Variants in CRYBG3 observed in about 807,000 individuals in gnomAD.
CRYBG3 encodes the protein crystallin beta-gamma domain containing 3.
Under a neutral mutation model 244.2 loss-of-function variants are expected in CRYBG3, and 127 were observed. The ratio of observed to expected loss-of-function variants is 0.52; its 90% CI spans 0.45 to 0.60. The LOEUF (loss-of-function observed/expected upper bound fraction) is 0.60. Ranked by LOEUF, CRYBG3 falls within the 20% of genes least tolerant of loss-of-function variation. The pLI is 0.00. For synonymous variants in CRYBG3, 1,132 were observed against 1,195.8 expected (o/e 0.95, Z 1.10); for missense variants, 3,325 against 3,442.5 (o/e 0.97, Z 0.85).
intron 1 of CRYBG3, among the ~76,000 whole-genome samples, chr3:97,837,483 T>G (rs887014577): frequency 1.3e-5 from 2 of 152,130 alleles, no homozygotes; most frequent in African/African-American, 4.8e-5. Flanking sequence ...TCAACAGTAT[T>G]GCTGATTCTT....
Position 97,896,013 on chromosome 3 carries a change from A to C in CRYBG3, c.7629A>C (p.Glu2543Asp). ...HFKGQQFLLE[E>D]GDFEDSNACG... Reference sequence around the variant, plus strand: ...AAGGCCAGCAGTTTCTGCTTGAAGAAGGAGACTTTGAAGACAGTAATGCTT... The same window carrying C: ...AAGGCCAGCAGTTTCTGCTTGAAGACGGAGACTTTGAAGACAGTAATGCTT... The change falls in exon 12 of 22, where the codon GAA (glutamate) becomes GAC (aspartate). Residue 2543 changes from glutamate to aspartate, a missense_variant. Physicochemically the swap from Glu to Asp is conservative, Grantham distance 45. Around this residue, in one of 4 missense-constraint regions of CRYBG3, gnomAD observed 714 missense variants for 803.6 expected, o/e 0.89. Coordinates refer to ENST00000389622, the MANE Select transcript of CRYBG3 (RefSeq NM_153605.4). 1 of 1,613,668 alleles carries C rather than the reference A, an allele frequency of 6.2e-7. No individual in the cohort carries two copies. Among genetic ancestry groups the C allele is most frequent in the Non-Finnish European group, 8.5e-7 (1 of 1,179,722 alleles).
At chr3:97,838,630 C>G (rs1385581129) in intron 1 of CRYBG3, among the ~76,000 whole-genome samples, 1 of 152,040 alleles carries the variant, frequency 6.6e-6, no homozygotes, top group Non-Finnish European at 1.5e-5. Context: ...TGTGCAACCC[C>G]CAGCACCAAG....
At chr3:97,840,990 A>G (rs567228728) in intron 1 of CRYBG3, among the ~76,000 whole-genome samples, 2 of 152,216 alleles carry the variant, frequency 1.3e-5, no homozygotes, top group South Asian at 4.1e-4. Flanking sequence ...CTTTTGGCAA[A>G]AGATAAAGAC....
Position 97,874,016 on chromosome 3 carries a change from C to A in CRYBG3, c.2822C>A (p.Ser941Tyr). The change falls in exon 4 of 22, where the codon TCT (serine) becomes TAT (tyrosine). Residue 941 changes from serine to tyrosine, a missense_variant. Coordinates refer to ENST00000389622, the MANE Select transcript of CRYBG3 (RefSeq NM_153605.4). ...CCTGCTCTTCTTAAAAGTAATATAT[C>A]TTGGATTTTACCACCTATTCATGAT... is the stretch of plus-strand genomic sequence containing the variant. Reference protein sequence around the residue: ...SPPALLKSNISWILPPIHDEK... With the variant: ...SPPALLKSNIYWILPPIHDEK... The A allele has an allele frequency of 6.5e-7, 1 of 1,535,550 alleles. No individual in the cohort carries two copies. Among genetic ancestry groups the A allele is most frequent in the Non-Finnish European group, 8.7e-7 (1 of 1,146,736 alleles).
chr3:97,926,275 C>A (rs915631903), intron 17 of CRYBG3, among the ~76,000 whole-genome samples: 1 of 152,042 alleles, frequency 6.6e-6, no homozygotes, highest in Non-Finnish European at 1.5e-5. Flanking sequence ...ATATACAAAT[C>A]AATAAATGTG....
intron 1 of CRYBG3, 108 bp from the exon 2 acceptor site, chr3:97,843,087 T>C (rs1321533597): frequency 1.6e-6 from 1 of 633,352 alleles, no homozygotes; most frequent in Non-Finnish European, 2.7e-6. Flanking sequence ...GTATCAATCT[T>C]TGAGCATTGC....
intron 1 of CRYBG3, among the ~76,000 whole-genome samples, chr3:97,826,743 G>A (rs1178578064): frequency 6.6e-6 from 1 of 152,232 alleles, no homozygotes; most frequent in Non-Finnish European, 1.5e-5. Flanking sequence ...GCAAAGCAAT[G>A]TGGATATAAC....
At chr3:97,894,455 A>G (rs1451945049) in intron 11 of CRYBG3, among the ~76,000 whole-genome samples, 2 of 152,108 alleles carry the variant, frequency 1.3e-5, no homozygotes, top group Non-Finnish European at 2.9e-5. Context: ...TTGTTATTTA[A>G]TTGTATCTGT....
At chr3:97,928,488 G>A (rs2040063715) in intron 17 of CRYBG3, among the ~76,000 whole-genome samples, 1 of 151,736 alleles carries the variant, frequency 6.6e-6, no homozygotes, top group Non-Finnish European at 1.5e-5. Context: ...AATAATCTGT[G>A]CATGAAACCC....
Position 97,942,279 on chromosome 3 carries a change from T to A in CRYBG3, c.8665-5T>A. Reference sequence around the variant, plus strand: ...TGCCAATTAATCATTTCTTAACCCTTTTAGGCCAGTGATACATGTCTTGAT... The same window carrying A: ...TGCCAATTAATCATTTCTTAACCCTATTAGGCCAGTGATACATGTCTTGAT... On this transcript the variant is annotated splice_polypyrimidine_tract_variant and splice_region_variant and intron_variant, in intron 20 of 21. Coordinates refer to ENST00000389622, the MANE Select transcript of CRYBG3 (RefSeq NM_153605.4). 6.2e-7 allele frequency: 1 copy of A among 1,603,002 alleles called. No homozygotes were observed. Among genetic ancestry groups the A allele is most frequent in the Non-Finnish European group, 8.5e-7 (1 of 1,173,472 alleles).
chr3:97,861,991 C>A (rs1366941181), intron 2 of CRYBG3, among the ~76,000 whole-genome samples: 1 of 151,754 alleles, frequency 6.6e-6, no homozygotes, highest in Non-Finnish European at 1.5e-5. Flanking sequence ...AAAAATTAAG[C>A]AACTAAAACA....
chr3:97,933,600 A>C, intron 17 of CRYBG3, 94 bp from the exon 18 acceptor site: 1 of 1,241,438 alleles, frequency 8.1e-7, no homozygotes, highest in East Asian at 2.3e-5. Context: ...CATGCATTTA[A>C]GAATACAATG....
chr3:97,909,493 T>TCATTTCATC (rs1217177891), intron 15 of CRYBG3, among the ~76,000 whole-genome samples: 5 of 151,692 alleles, frequency 3.3e-5, no homozygotes, highest in Admixed American at 1.3e-4. Flanking sequence ...TTCATTTCAT[T>TCATTTCATC]CATTTCATCT....
intron 2 of CRYBG3, among the ~76,000 whole-genome samples, chr3:97,848,784 T>G (rs2038940645): frequency 6.6e-6 from 1 of 152,218 alleles, no homozygotes; most frequent in African/African-American, 2.4e-5. Flanking sequence ...TCATGTCAGT[T>G]TAACGTACAG....
chr3:97,858,079 A>AT (rs908199922), intron 2 of CRYBG3, among the ~76,000 whole-genome samples: 7 of 149,932 alleles, frequency 4.7e-5, no homozygotes, highest in African/African-American at 1.7e-4. Flanking sequence ...GTGGTGATGA[A>AT]TTTTCTCAGT....
chr3:97,875,031 T>C lies in CRYBG3; in HGVS notation c.3837T>C (p.Val1279=). ...CAGAAGTCAAAGAGAAGCCCTGTGTTTCACCAACAGTTGGTGAGAAGAATC... is the reference window on the plus strand; with the variant it reads ...CAGAAGTCAAAGAGAAGCCCTGTGTCTCACCAACAGTTGGTGAGAAGAATC... ...NMSEVKEKPC[V]SPTVGEKNLL... is the part of the protein sequence containing the mutation. The change falls in exon 4 of 22, where the codon GTT becomes GTC. Residue 1279 remains valine, a synonymous_variant. Coordinates refer to ENST00000389622, the MANE Select transcript of CRYBG3 (RefSeq NM_153605.4). The C allele has an allele frequency of 6.5e-7, 1 of 1,535,234 alleles. No homozygotes were observed. The highest frequency in any genetic ancestry group is 8.7e-7 in the Non-Finnish European group (1 of 1,146,476).
In CRYBG3 at chr3:97,877,193, C is replaced by T; in HGVS notation, c.5999C>T (p.Thr2000Ile). 2 of 1,613,678 alleles carry T rather than the reference C, an allele frequency of 1.2e-6. No individual in the cohort carries two copies. Among genetic ancestry groups the T allele is most frequent in the South Asian group, 1.1e-5 (1 of 91,060 alleles). The stretch of plus-strand genomic sequence containing the variant: ...GATGAACAAGAAAATTCTTCCTTTA[C>T]TATATTATACGAAGAGCCCCTTCAA... Reference protein sequence around the residue: ...SQDEQENSSFTILYEEPLQEE... With the variant: ...SQDEQENSSFIILYEEPLQEE... The change falls in exon 4 of 22, where the codon ACT becomes ATT. Residue 2000 changes from threonine to isoleucine, a missense_variant. Physicochemically the swap from Thr to Ile is moderately conservative, Grantham distance 89. Transcript: ENST00000389622.
At chr3:97,849,766 A>G (rs554628333) in intron 2 of CRYBG3, among the ~76,000 whole-genome samples, 1 of 152,344 alleles carries the variant, frequency 6.6e-6, no homozygotes, top group African/African-American at 2.4e-5. Context: ...GGTGTCAGAT[A>G]CTGATTCTGG....
intron 17 of CRYBG3, among the ~76,000 whole-genome samples, chr3:97,923,338 A>G (rs1379165097): frequency 6.6e-6 from 1 of 152,092 alleles, no homozygotes. Flanking sequence ...AAAGTATAAT[A>G]ATAATAAAAA....
Sources: allele counts gnomAD v4.1 joint callset (sites outside exome capture counted in the v4.1 genomes callset), GRCh38; gene constraint gnomAD v4.1.1; regional missense constraint gnomAD v4.1.1; transcripts MANE v1.5; gene names NCBI Gene and HGNC (gene_info 2026-07-23, HGNC 2026-07-21).